Variants in LAMA3 observed in about 807,000 individuals in gnomAD.
The protein encoded by LAMA3 is laminin subunit alpha 3.
In LAMA3, 281 loss-of-function variants were observed where a neutral mutation model predicts 402.0. That is an observed-to-expected ratio of 0.70 (90% CI 0.63 to 0.77). The LOEUF is 0.77. Among genes scored for constraint, LAMA3 ranks in the 30% least tolerant of loss-of-function variants. The pLI, the probability that LAMA3 is intolerant of heterozygous loss-of-function variation, is 0.00. For missense variants in LAMA3, 3,840 were observed against 4,215.5 expected, an observed-to-expected ratio of 0.91 and a Z score of 2.47; for synonymous variants, 1,431 against 1,558.4, an observed-to-expected ratio of 0.92 and a Z score of 1.93.
rs1247739411 is a variant in LAMA3 at position 23,879,913 on chromosome 18, G to C, written c.5113-2023G>C. ...TGTCCTCACCTCAATTCTTGCATCT[G>C]TACATTCTTGCTTCTCCAATGTGTT... On this transcript the variant is annotated intron_variant, in intron 39 of 74. Transcript: ENST00000313654. The surrounding 1 kb of genome is among the most constrained non-coding windows in gnomAD (Gnocchi z 4.2). Among the ~76,000 whole-genome samples the C allele has an allele frequency of 6.6e-6, 1 of 152,198 alleles. No individual in the cohort carries two copies.
intron 37 of LAMA3, among the ~76,000 whole-genome samples, chr18:23,870,173 C>T (rs1345821852): frequency 4.6e-5 from 7 of 152,008 alleles, no homozygotes; most frequent in Admixed American, 2.6e-4. Flanking sequence ...TGTAGTGGCA[C>T]GTGCCTATAA....
At chr18:23,835,999 ATTTC>A (rs1264735957) in intron 24 of LAMA3, among the ~76,000 whole-genome samples, 1 of 152,158 alleles carries the variant, frequency 6.6e-6, no homozygotes, top group East Asian at 1.9e-4. Context: ...CTGTTAGGCT[ATTTC>A]TTAGGAGGAA....
chr18:23,816,336 C>T (rs2063174929), intron 17 of LAMA3, 52 bp from the exon 18 acceptor site: 1 of 1,422,542 alleles, frequency 7.0e-7, no homozygotes, highest in Non-Finnish European at 9.9e-7. Context: ...AGGGGAGGCG[C>T]TCAGTGTGGA....
At chr18:23,792,751 A>G (rs2062684407) in intron 12 of LAMA3, among the ~76,000 whole-genome samples, 1 of 152,074 alleles carries the variant, frequency 6.6e-6, no homozygotes, top group South Asian at 2.1e-4. Flanking sequence ...GCCTGTACTT[A>G]GTGTACTGGG....
chr18:23,689,967 A>G lies in LAMA3; in HGVS notation c.284A>G (p.His95Arg). 1 of 1,504,848 alleles carries G rather than the reference A, an allele frequency of 6.6e-7. No homozygotes were observed. Among genetic ancestry groups the G allele is most frequent in the Non-Finnish European group, 8.9e-7 (1 of 1,126,162 alleles). 93.2% of individuals were successfully genotyped at this position (1,504,848 alleles called of 1,614,324 possible). A position where few individuals can be genotyped will look rare whatever the true frequency, so the allele number is the denominator to read the frequency against. The change falls in exon 1 of 75, where the codon CAC becomes CGC. Residue 95 changes from histidine to arginine, a missense_variant. Around this residue, in one of 3 missense-constraint regions of LAMA3, gnomAD observed 2,109 missense variants for 2,376.0 expected, o/e 0.89. Transcript: ENST00000313654. ...GGCCCCACCGCCCCAGGCAGCGGCC[A>G]CACCATCCAGGTGAGGGCCTCGGAG... ...VGGPTAPGSG[H>R]TIQGQFCDYC... is the part of the protein sequence containing the mutation.
chr18:23,872,546 A>G (rs1251113752), intron 38 of LAMA3, among the ~76,000 whole-genome samples: 2 of 152,180 alleles, frequency 1.3e-5, no homozygotes, highest in Admixed American at 6.5e-5. Flanking sequence ...GAAAACCCCA[A>G]GGTGATCTGC....
chr18:23,878,256 T>C (rs1267101284), intron 39 of LAMA3, among the ~76,000 whole-genome samples: 1 of 152,272 alleles, frequency 6.6e-6, no homozygotes, highest in Admixed American at 6.5e-5. Flanking sequence ...GTGAGAGTCA[T>C]AATTCATATT....
intron 32 of LAMA3, among the ~76,000 whole-genome samples, chr18:23,852,145 A>G (rs1453192041): frequency 1.3e-5 from 2 of 152,068 alleles, no homozygotes; most frequent in South Asian, 2.1e-4. Context: ...TTACCACTTC[A>G]TGTTCAGATG....
At position 23,954,653 on chromosome 18, in the gene LAMA3, A is replaced by G. The variant is rs1326682955; in HGVS notation, c.*5A>G. 2 of 1,614,092 alleles carry G rather than the reference A, an allele frequency of 1.2e-6. No homozygotes were observed. The highest frequency in any genetic ancestry group is 2.2e-5 in the East Asian group (1 of 44,868). The stretch of plus-strand genomic sequence containing the variant: ...AATGGTTGTCCTGACCAGTAACCCA[A>G]GCCTATTTCACAGCAAGGAAATTCA... On this transcript the variant is annotated 3_prime_UTR_variant, in exon 75 of 75. Transcript: ENST00000313654.
At position 23,714,042 on chromosome 18, in the gene LAMA3, C is replaced by T. The variant is rs754978659; in HGVS notation, c.417C>T (p.Asn139=). ...SPPLSSGTQY[N]RVNLTLDLGQ... ...CCCTGTCCTCAGGCACACAGTACAACAGAGTCAACCTCACCTTGGATCTGG... is the reference window on the plus strand; with the variant it reads ...CCCTGTCCTCAGGCACACAGTACAATAGAGTCAACCTCACCTTGGATCTGG... The change falls in exon 2 of 75, where the codon AAC becomes AAT. Residue 139 remains asparagine, a synonymous_variant. Coordinates refer to ENST00000313654, the MANE Select transcript of LAMA3 (RefSeq NM_198129.4). The T allele has an allele frequency of 6.2e-7, 1 of 1,613,788 alleles. No homozygotes were observed. The highest frequency in any genetic ancestry group is 1.7e-5 in the Admixed American group (1 of 59,978).
At chr18:23,772,216 A>AT (rs1240960542) in intron 8 of LAMA3, among the ~76,000 whole-genome samples, 1 of 151,932 alleles carries the variant, frequency 6.6e-6, no homozygotes, top group Non-Finnish European at 1.5e-5. Flanking sequence ...TAATTTTTAT[A>AT]TTTTTAGCAG....
At chr18:23,740,849 C>G (rs1307171643) in intron 2 of LAMA3, among the ~76,000 whole-genome samples, 1 of 152,130 alleles carries the variant, frequency 6.6e-6, no homozygotes, top group Admixed American at 6.5e-5. Flanking sequence ...GGCCCTTCCT[C>G]TAAGTTTCTG....
chr18:23,946,309 G>A (rs1400886368), intron 70 of LAMA3, 25 bp downstream of exon 70: 1 of 1,610,748 alleles, frequency 6.2e-7, no homozygotes, highest in African/African-American at 1.3e-5. Context: ...TCAGAGCCAT[G>A]GACAGAAACA....
intron 23 of LAMA3, 36 bp from the exon 24 acceptor site, chr18:23,833,792 C>A: frequency 6.2e-7 from 1 of 1,610,970 alleles, no homozygotes; most frequent in Non-Finnish European, 8.5e-7. Flanking sequence ...CATGTCACAG[C>A]TGGATCACAG....
rs1212591973 is a variant in LAMA3 at position 23,713,846 on chromosome 18, G to A, written c.295-74G>A. ...GTTTGGTTCCCTGTATTTGCTATAT[G>A]GATAAGAAAAAATTACTTGAAAGTA... On this transcript the variant is annotated intron_variant, in intron 1 of 74. Coordinates refer to ENST00000313654, the MANE Select transcript of LAMA3 (RefSeq NM_198129.4). 3.1e-5 allele frequency: 44 copies of A among 1,407,596 alleles called. 1 individual carries two copies. In the East Asian group the frequency reaches 1.0e-3, roughly 33 times the overall value. The allele number at this position is 1,407,596 out of a possible 1,614,324, so 87.2% of individuals were successfully genotyped here.
At chr18:23,860,740 C>G (rs2064198339) in intron 34 of LAMA3, among the ~76,000 whole-genome samples, 1 of 145,066 alleles carries the variant, frequency 6.9e-6, no homozygotes, top group Non-Finnish European at 1.5e-5. Flanking sequence ...GTCACCCAGG[C>G]TGGAGTGCAG....
chr18:23,914,497 G>C lies in LAMA3; in HGVS notation c.7417G>C (p.Val2473Leu), dbSNP rs1369426038. The change falls in exon 57 of 75, where the codon GTG (valine) becomes CTG (leucine). Residue 2473 changes from valine (V) to leucine (L), a missense_variant. Val to Leu is a conservative substitution (Grantham distance 32, BLOSUM62 1). Transcript: ENST00000313654. ...NLGDREAELQ[V>L]DQILTKSETK... is the part of the protein sequence containing the mutation. Reference sequence around the variant, plus strand: ...GGGGGACCGTGAGGCTGAACTCCAAGTGGACCAGATCTTGACCAAGAGTGA... The same window carrying C: ...GGGGGACCGTGAGGCTGAACTCCAACTGGACCAGATCTTGACCAAGAGTGA... 6.2e-7 allele frequency: 1 copy of C among 1,614,040 alleles called. No individual in the cohort carries two copies. The highest frequency in any genetic ancestry group is 2.2e-5 in the East Asian group (1 of 44,888).
At chr18:23,696,010 G>A (rs911324058) in intron 1 of LAMA3, among the ~76,000 whole-genome samples, 1 of 151,878 alleles carries the variant, frequency 6.6e-6, no homozygotes, top group Non-Finnish European at 1.5e-5. Context: ...ACTAGTGAGG[G>A]CTCAGAGGGC....
At chr18:23,874,988 C>A (rs571856636) in intron 38 of LAMA3, among the ~76,000 whole-genome samples, 1 of 152,280 alleles carries the variant, frequency 6.6e-6, no homozygotes, top group South Asian at 2.1e-4. Flanking sequence ...CTCAACCTCC[C>A]GAGTAGCTGG....
Sources: allele counts gnomAD v4.1 joint callset (sites outside exome capture counted in the v4.1 genomes callset), GRCh38; gene constraint gnomAD v4.1.1; regional missense constraint gnomAD v4.1.1; non-coding constraint Gnocchi (gnomAD v3.1); transcripts MANE v1.5; gene names NCBI Gene and HGNC (gene_info 2026-07-23, HGNC 2026-07-21).